The following RAP1GAP2 variants were observed in gnomAD, a reference collection of about 807,000 sequenced individuals.
RAP1GAP2 encodes the protein RAP1 GTPase activating protein 2.
A neutral mutation model predicts 95.0 loss-of-function variants in RAP1GAP2; 27 were observed. The observed-to-expected ratio is 0.28, with a 90% CI of 0.21 to 0.39. RAP1GAP2 has a LOEUF of 0.39. Among genes scored for constraint, RAP1GAP2 ranks in the 10% least tolerant of loss-of-function variants. The pLI is 1.00. For missense variants in RAP1GAP2, 771 were observed against 970.0 expected (o/e 0.79, Z 2.72); for synonymous variants, 373 against 380.9 (o/e 0.98, Z 0.24).
At chr17:2,982,708 C>CTAACT (rs545082543) in intron 10 of RAP1GAP2, among the ~76,000 whole-genome samples, 188 of 152,154 alleles carry the variant, frequency 1.2e-3, no homozygotes, top group African/African-American at 4.4e-3. Flanking sequence ...TCATAAAGGT[C>CTAACT]TAACTTAACT....
At chr17:2,942,713 G>C (rs138912703) in intron 3 of RAP1GAP2, among the ~76,000 whole-genome samples, 1,849 of 152,222 alleles carry the variant, frequency 0.012, 38 homozygotes, top group African/African-American at 0.041. Context: ...CAACTCAGTG[G>C]CGTTTAGTAC....
intron 12 of RAP1GAP2, among the ~76,000 whole-genome samples, chr17:2,993,161 G>T (rs1254144232): frequency 6.6e-6 from 1 of 150,778 alleles, no homozygotes. Context: ...GGCAGTGGTT[G>T]CAATGAGCTG....
chr17:2,900,418 TCA>T (rs2041988316), intron 2 of RAP1GAP2, among the ~76,000 whole-genome samples: 1 of 152,182 alleles, frequency 6.6e-6, no homozygotes, highest in Non-Finnish European at 1.5e-5. Flanking sequence ...ATGTTTTATG[TCA>T]CAGCTGTTAT....
chr17:2,930,218 C>CT (rs2043098172), intron 3 of RAP1GAP2, among the ~76,000 whole-genome samples: 1 of 152,254 alleles, frequency 6.6e-6, no homozygotes, highest in Admixed American at 6.5e-5. Flanking sequence ...GGGTCTGGAC[C>CT]TTCCTACAGT....
In RAP1GAP2 at chr17:2,948,198, G is replaced by A. The variant is rs116896984; in HGVS notation, c.166-9561G>A. Among the ~76,000 whole-genome samples the A allele has an allele frequency of 3.0e-4, 46 of 152,330 alleles. 1 individual carries two copies. The East Asian group carries it at 8.5e-3, about 28-fold the overall frequency. On this transcript the variant is annotated intron_variant, in intron 3 of 24. Transcript: ENST00000254695. The stretch of plus-strand genomic sequence containing the variant: ...CCCCATGCAAAGGCGCAAGCACTCA[G>A]ACAGCGTGGTTCTGTGAACATGAGT...
chr17:2,763,226 T>G (rs527456221), intron 1 of RAP1GAP2, among the ~76,000 whole-genome samples: 1 of 152,308 alleles, frequency 6.6e-6, no homozygotes, highest in Admixed American at 6.5e-5. Context: ...ATGTAGTTAG[T>G]TGATCACTGT....
intron 3 of RAP1GAP2, among the ~76,000 whole-genome samples, chr17:2,940,033 G>A (rs965439270): frequency 1.3e-5 from 2 of 152,244 alleles, no homozygotes; most frequent in Non-Finnish European, 2.9e-5. Flanking sequence ...CCCGACTCTC[G>A]GGACCCAGGC....
intron 1 of RAP1GAP2, among the ~76,000 whole-genome samples, chr17:2,780,546 G>C (rs1170122002): frequency 6.6e-6 from 1 of 152,152 alleles, no homozygotes; most frequent in Non-Finnish European, 1.5e-5. Context: ...CCATCTCTGA[G>C]CAATGTGCAC....
intron 3 of RAP1GAP2, among the ~76,000 whole-genome samples, chr17:2,952,329 CT>C (rs2043951952): frequency 6.6e-6 from 1 of 152,198 alleles, no homozygotes; most frequent in Admixed American, 6.5e-5. Context: ...GAGTGTACCC[CT>C]GTGCCTTATT....
rs2044437159 is a variant in RAP1GAP2, at chr17:2,963,504, T to A, written c.279+42T>A. The A allele has an allele frequency of 1.2e-6, 2 of 1,612,524 alleles. No individual in the cohort carries two copies. The highest frequency in any genetic ancestry group is 1.7e-6 in the Non-Finnish European group (2 of 1,178,676). On this transcript the variant is annotated intron_variant, in intron 6 of 24. Transcript: ENST00000254695. The surrounding 1 kb of genome is among the most constrained non-coding windows in gnomAD (Gnocchi z 4.8). ...CACTCCCACCTGCCCTGCAGCCTGC[T>A]CTGGGTCCCGTCCCTGGGGAAATGA...
At chr17:2,794,396 T>A (rs900706830), upstream of RAP1GAP2, among the ~76,000 whole-genome samples, 2 of 152,168 alleles carry the variant, frequency 1.3e-5, no homozygotes, top group Non-Finnish European at 2.9e-5. Flanking sequence ...TTGTCCACGG[T>A]ACCTGTTGAG....
At chr17:3,009,579 C>T (rs1386757192) in intron 17 of RAP1GAP2, among the ~76,000 whole-genome samples, 15 of 152,166 alleles carry the variant, frequency 9.9e-5, no homozygotes, top group Admixed American at 1.3e-4. Context: ...AGCCTGGGCC[C>T]GGGCAGGCCT....
chr17:2,812,149 G>A (rs947631951), intron 2 of RAP1GAP2, among the ~76,000 whole-genome samples: 3 of 152,148 alleles, frequency 2.0e-5, no homozygotes, highest in African/African-American at 7.2e-5. Context: ...CTCAGCTCTT[G>A]TTTCTTTGTG....
At chr17:3,010,336 CAAAAAA>C (rs1179623628) in intron 17 of RAP1GAP2, among the ~76,000 whole-genome samples, 2 of 70,276 alleles carry the variant, frequency 2.8e-5, no homozygotes, top group African/African-American at 5.5e-5. Flanking sequence ...GAGACTGTCT[CAAAAAA>C]AAAAAAAAAA....
At chr17:2,959,746 G>A (rs548486885) in intron 4 of RAP1GAP2, among the ~76,000 whole-genome samples, 1 of 152,310 alleles carries the variant, frequency 6.6e-6, no homozygotes, top group African/African-American at 2.4e-5. Flanking sequence ...TAACCCTGAC[G>A]CTTTCTAGCT....
At chr17:2,926,296 C>T (rs906810825) in intron 3 of RAP1GAP2, among the ~76,000 whole-genome samples, 5 of 152,174 alleles carry the variant, frequency 3.3e-5, no homozygotes, top group South Asian at 4.1e-4. Context: ...GCAGCGCCCA[C>T]GTCCTCTTCA....
chr17:2,798,462 AG>A (rs1404848867), intron 1 of RAP1GAP2, among the ~76,000 whole-genome samples: 2 of 152,054 alleles, frequency 1.3e-5, no homozygotes, highest in Non-Finnish European at 2.9e-5. Context: ...GCAGCAAGAA[AG>A]GGGGCGAGAC....
chr17:2,974,112 C>T (rs780581085), intron 8 of RAP1GAP2, among the ~76,000 whole-genome samples: 3 of 150,674 alleles, frequency 2.0e-5, no homozygotes, highest in African/African-American at 2.4e-5. Context: ...GAGGCCAAGG[C>T]GGGCGGATCA....
rs550653292 is a variant in RAP1GAP2, at chr17:2,906,470, CG to C, written c.165+1109del. On this transcript the variant is annotated intron_variant, in intron 3 of 24. Transcript: ENST00000254695. This position sits in a 1 kb window ranked among gnomAD's most constrained non-coding sequence, Gnocchi z 4.3. ...GGTGGGTTAAGTGGTCAGCGGTGGG[CG>C]GGGGGGCAGGACAGGGTGCAGGGCT... is the stretch of plus-strand genomic sequence containing the variant. Among the ~76,000 whole-genome samples, 2 of 143,074 alleles carry C rather than the reference CG, an allele frequency of 1.4e-5. No individual in the cohort carries two copies. Among genetic ancestry groups the C allele is most frequent in the Non-Finnish European group, 3.1e-5 (2 of 64,872 alleles). 93.9% of individuals were successfully genotyped at this position (143,074 alleles called of 152,430 possible).
Sources: gnomAD v4.1 joint callset for allele counts (sites outside exome capture counted in the v4.1 genomes callset) on GRCh38, gnomAD v4.1.1 for gene constraint, Gnocchi (gnomAD v3.1) non-coding constraint, MANE v1.5 for transcripts, NCBI Gene and HGNC (gene_info 2026-07-23, HGNC 2026-07-21) for gene names.